KAZN: variants seen among roughly 807,000 people sequenced by gnomAD.
The protein encoded by KAZN is kazrin, periplakin interacting protein.
A neutral mutation model predicts 87.4 loss-of-function variants in KAZN; 40 were observed. The observed-to-expected ratio is 0.46, with a 90% CI of 0.36 to 0.60. The LOEUF (loss-of-function observed/expected upper bound fraction) is 0.60, where lower values mean the gene tolerates loss of function less well. Ranked by LOEUF, KAZN falls within the 20% of genes least tolerant of loss-of-function variation. The pLI, the probability that KAZN is intolerant of heterozygous loss-of-function variation, is 0.00. For missense variants in KAZN, 898 were observed against 1,073.9 expected, an observed-to-expected ratio of 0.84 and a Z score of 2.29; for synonymous variants, 466 against 458.3, an observed-to-expected ratio of 1.02 and a Z score of -0.22.
intron 1 of KAZN, among the ~76,000 whole-genome samples, chr1:14,083,914 T>G (rs1383526980): frequency 6.6e-6 from 1 of 152,220 alleles, no homozygotes. Flanking sequence ...TTACTGTGTG[T>G]TAGTCATTGT....
intron 1 of KAZN, among the ~76,000 whole-genome samples, chr1:13,962,850 A>G (rs1313682815): frequency 1.3e-5 from 2 of 152,140 alleles, no homozygotes; most frequent in African/African-American, 2.4e-5. Context: ...GAGCCACTGC[A>G]CCTGGCCTAT....
rs115559388 is a variant in KAZN, at chr1:14,435,717, T to C, written c.250-163266T>C. Among the ~76,000 whole-genome samples the C allele has an allele frequency of 8.8e-3, 1,341 of 152,292 alleles. 17 individuals carry two copies. Among genetic ancestry groups the C allele is most frequent in the African/African-American group, 0.031 (1,287 of 41,560 alleles). ...TTCGGCAAGATCTTTAAACCGCAGC[T>C]ACCTCATCTTAGAATGGGGATGATG... On this transcript the variant is annotated intron_variant, in intron 2 of 16. Coordinates refer to the KAZN transcript ENST00000636203.
intron 2 of KAZN, among the ~76,000 whole-genome samples, chr1:14,241,848 A>C (rs527286461): frequency 5.3e-5 from 8 of 152,370 alleles, no homozygotes; most frequent in African/African-American, 1.7e-4. Context: ...TCTTAAAAAA[A>C]TTCCAACTTT....
At chr1:14,323,947 G>T (rs1196314246) in intron 2 of KAZN, among the ~76,000 whole-genome samples, 1 of 152,154 alleles carries the variant, frequency 6.6e-6, no homozygotes, top group African/African-American at 2.4e-5. Flanking sequence ...CAAGTACTTG[G>T]ATTCATGAGG....
chr1:14,250,142 C>T (rs1436963869), intron 2 of KAZN, among the ~76,000 whole-genome samples: 3 of 152,088 alleles, frequency 2.0e-5, no homozygotes, highest in Admixed American at 1.3e-4. Flanking sequence ...TGATTAGTTC[C>T]TTTATACACA....
At chr1:14,365,035 G>A (rs957089895) in intron 2 of KAZN, among the ~76,000 whole-genome samples, 1 of 151,190 alleles carries the variant, frequency 6.6e-6, no homozygotes, top group Non-Finnish European at 1.5e-5. Context: ...GAGCCACCAT[G>A]CCCGGCCCCC....
intron 1 of KAZN, among the ~76,000 whole-genome samples, chr1:13,912,118 C>CA (rs1639674296): frequency 6.6e-6 from 1 of 152,192 alleles, no homozygotes; most frequent in South Asian, 2.1e-4. Flanking sequence ...TGGAGTAACA[C>CA]AAAGACCAGT....
chr1:14,636,767 G>A (rs899445124), intron 1 of KAZN, among the ~76,000 whole-genome samples: 2 of 152,162 alleles, frequency 1.3e-5, no homozygotes, highest in Non-Finnish European at 2.9e-5. Flanking sequence ...CATGAGCAAG[G>A]GGAATCTAAA....
At chr1:14,114,582 C>T (rs773979800) in intron 1 of KAZN, among the ~76,000 whole-genome samples, 3 of 152,066 alleles carry the variant, frequency 2.0e-5, no homozygotes, top group African/African-American at 7.2e-5. Flanking sequence ...TTGAAAAGCC[C>T]TTCCTTCTTC....
chr1:14,682,002 A>C (rs1425526760), intron 1 of KAZN, among the ~76,000 whole-genome samples: 1 of 151,760 alleles, frequency 6.6e-6, no homozygotes, highest in Non-Finnish European at 1.5e-5. Context: ...AACTATTTTT[A>C]AATGTATTGT....
chr1:14,401,022 G>C (rs1326072993), intron 2 of KAZN, among the ~76,000 whole-genome samples: 4 of 152,190 alleles, frequency 2.6e-5, no homozygotes, highest in Admixed American at 2.0e-4. Flanking sequence ...CCAAAAACAA[G>C]GAAGCATAAA....
At chr1:14,493,088 T>C (rs891101973) in intron 2 of KAZN, among the ~76,000 whole-genome samples, 9 of 152,156 alleles carry the variant, frequency 5.9e-5, no homozygotes, top group African/African-American at 1.7e-4. Context: ...CCACGCAGCC[T>C]TTCTGGACCA....
chr1:13,952,488 G>A (rs575556953), intron 1 of KAZN, among the ~76,000 whole-genome samples: 2 of 152,072 alleles, frequency 1.3e-5, no homozygotes, highest in Non-Finnish European at 2.9e-5. Context: ...ATTCTTCTAG[G>A]CACTATCTTA....
At chr1:14,557,634 GTGT>G in intron 2 of KAZN, among the ~76,000 whole-genome samples, 2 of 30,618 alleles carry the variant, frequency 6.5e-5, no homozygotes, top group African/African-American at 9.7e-5. Flanking sequence ...GTGTGGGTGT[GTGT>G]GTGTGTGTGT....
chr1:14,881,359 G>A (rs529661462), intron 1 of KAZN, among the ~76,000 whole-genome samples: 9 of 152,354 alleles, frequency 5.9e-5, no homozygotes, highest in African/African-American at 1.9e-4. Flanking sequence ...CCATTGGCAT[G>A]TGAAATGCCA....
At chr1:14,445,880 G>T (rs1666957971) in intron 2 of KAZN, among the ~76,000 whole-genome samples, 2 of 152,104 alleles carry the variant, frequency 1.3e-5, no homozygotes, top group Admixed American at 6.5e-5. Flanking sequence ...CCCTTACGCT[G>T]AGCATTGCAT....
intron 2 of KAZN, among the ~76,000 whole-genome samples, chr1:14,367,387 T>TC (rs1660096653): frequency 1.3e-5 from 2 of 152,082 alleles, no homozygotes; most frequent in Admixed American, 1.3e-4. Flanking sequence ...CTCTCCAATG[T>TC]CCAACTGTAG....
intron 2 of KAZN, among the ~76,000 whole-genome samples, chr1:14,186,658 A>C (rs1317441104): frequency 6.6e-6 from 1 of 152,112 alleles, no homozygotes; most frequent in Non-Finnish European, 1.5e-5. Flanking sequence ...AGGCTTGTTG[A>C]TGGATGGTCT....
At chr1:14,367,650 T>A (rs1237660222) in intron 2 of KAZN, among the ~76,000 whole-genome samples, 1 of 152,076 alleles carries the variant, frequency 6.6e-6, no homozygotes, top group Non-Finnish European at 1.5e-5. Context: ...TCAGTAACCA[T>A]GTCAACATCA....
Sources: allele counts gnomAD v4.1 joint callset (sites outside exome capture counted in the v4.1 genomes callset), GRCh38; gene constraint gnomAD v4.1.1; transcripts MANE v1.5; gene names NCBI Gene and HGNC (gene_info 2026-07-23, HGNC 2026-07-21).